KIAA0825: variants seen among roughly 807,000 people sequenced by gnomAD.
KIAA0825 encodes uncharacterized protein KIAA0825.
Under a neutral mutation model 147.6 loss-of-function variants are expected in KIAA0825, and 119 were observed. The observed-to-expected ratio is 0.81, with a 90% confidence interval of 0.69 to 0.94. The LOEUF is 0.94. Ranked by LOEUF, KIAA0825 falls within the 40% of genes least tolerant of loss-of-function variation. KIAA0825 has a pLI of 0.00. For missense variants in KIAA0825, 1,381 were observed against 1,472.7 expected (o/e 0.94, Z 1.02); for synonymous variants, 470 against 518.1 (o/e 0.91, Z 1.26).
At position 94,504,610 on chromosome 5, in the gene KIAA0825, GA is replaced by G. The variant is rs533138178; in HGVS notation, c.970+15637del. Among the ~76,000 whole-genome samples, 544 of 151,896 alleles carry G rather than the reference GA, an allele frequency of 3.6e-3. 3 individuals carry two copies. Among genetic ancestry groups the G allele is most frequent in the Non-Finnish European group, 5.3e-3 (363 of 67,908 alleles). The stretch of plus-strand genomic sequence containing the variant: ...TTAGTGTGTGTAAATTCTAGCTATT[GA>G]AAAAAAGTATATATATGTTCTTTCC... On this transcript the variant is annotated intron_variant, in intron 5 of 20. Transcript: ENST00000682413.
At chr5:94,449,394 T>C (rs908237406) in intron 13 of KIAA0825, among the ~76,000 whole-genome samples, 14 of 151,934 alleles carry the variant, frequency 9.2e-5, no homozygotes, top group Middle Eastern at 3.4e-3. Flanking sequence ...TATAATGGGG[T>C]GGAGAGAAAG....
intron 14 of KIAA0825, among the ~76,000 whole-genome samples, chr5:94,432,958 C>T (rs1755880282): frequency 6.6e-6 from 1 of 152,128 alleles, no homozygotes; most frequent in African/African-American, 2.4e-5. Context: ...CATAAAATGC[C>T]TTATATTACC....
At chr5:94,585,882 A>G (rs1196125424) in intron 1 of KIAA0825, among the ~76,000 whole-genome samples, 1 of 152,228 alleles carries the variant, frequency 6.6e-6, no homozygotes, top group East Asian at 1.9e-4. Context: ...CAGGATTAAG[A>G]AACTCACTCA....
In KIAA0825 at chr5:94,152,135, T is replaced by C. The variant is rs1271456045; in HGVS notation, c.*1872A>G. Among the ~76,000 whole-genome samples the C allele has an allele frequency of 6.6e-6, 1 of 152,234 alleles. No homozygotes were observed. The highest frequency in any genetic ancestry group is 2.4e-5 in the African/African-American group (1 of 41,460). ...CATTTTTTAAAAATAAAATGTGTTA[T>C]TTGGCAGGCAGCTGTCTACATGGCC... On this transcript the variant is annotated 3_prime_UTR_variant, in exon 21 of 21. Coordinates refer to ENST00000682413, the MANE Select transcript of KIAA0825 (RefSeq NM_001145678.3).
intron 14 of KIAA0825, among the ~76,000 whole-genome samples, chr5:94,431,735 G>A (rs1230040836): frequency 6.6e-6 from 1 of 152,192 alleles, no homozygotes; most frequent in African/African-American, 2.4e-5. Flanking sequence ...AATTGAAAAG[G>A]CACTGGTATT....
chr5:94,260,118 C>T (rs1441693966), intron 20 of KIAA0825, among the ~76,000 whole-genome samples: 2 of 151,922 alleles, frequency 1.3e-5, no homozygotes, highest in Non-Finnish European at 2.9e-5. Context: ...AGTAATATAT[C>T]CCACCAGGAC....
intron 5 of KIAA0825, among the ~76,000 whole-genome samples, chr5:94,517,141 T>G (rs916101879): frequency 1.7e-4 from 26 of 152,156 alleles, no homozygotes; most frequent in Non-Finnish European, 3.5e-4. Context: ...TTATTTTTAA[T>G]GCTAACTATC....
chr5:94,349,363 GCAC>G (rs1401845963), intron 20 of KIAA0825, among the ~76,000 whole-genome samples: 13 of 152,258 alleles, frequency 8.5e-5, no homozygotes, highest in Admixed American at 4.6e-4. Flanking sequence ...CTTCAGTACT[GCAC>G]TGACAGCACT....
At chr5:94,294,509 C>T (rs749488306) in intron 20 of KIAA0825, among the ~76,000 whole-genome samples, 26 of 152,140 alleles carry the variant, frequency 1.7e-4, no homozygotes, top group South Asian at 1.0e-3. Context: ...GGGTGGATCA[C>T]GAGGTCAGGA....
intron 3 of KIAA0825, among the ~76,000 whole-genome samples, chr5:94,529,564 T>C (rs1426925541): frequency 6.6e-6 from 1 of 151,710 alleles, no homozygotes; most frequent in Non-Finnish European, 1.5e-5. Context: ...CATACATACA[T>C]GTTTATGTAG....
intron 13 of KIAA0825, among the ~76,000 whole-genome samples, chr5:94,444,101 T>G (rs931481355): frequency 6.6e-6 from 1 of 152,088 alleles, no homozygotes; most frequent in Admixed American, 6.6e-5. Flanking sequence ...GGGGTGAAAG[T>G]AGGAGCAGCC....
chr5:94,409,535 G>A (rs1287515707), intron 15 of KIAA0825, among the ~76,000 whole-genome samples: 1 of 152,144 alleles, frequency 6.6e-6, no homozygotes, highest in Non-Finnish European at 1.5e-5. Flanking sequence ...TAGGGAAAGA[G>A]CTCCAGAAAT....
At chr5:94,242,465 A>G (rs562137464) in intron 20 of KIAA0825, among the ~76,000 whole-genome samples, 2 of 152,204 alleles carry the variant, frequency 1.3e-5, no homozygotes, top group Admixed American at 1.3e-4. Flanking sequence ...TTCCCACCCC[A>G]GACCTCAGCC....
intron 5 of KIAA0825, among the ~76,000 whole-genome samples, chr5:94,486,222 A>C (rs1049474510): frequency 1.3e-5 from 2 of 152,020 alleles, no homozygotes; most frequent in East Asian, 3.8e-4. Flanking sequence ...AAAATTTGTA[A>C]ACTCCTACAA....
chr5:94,403,850 T>G, intron 15 of KIAA0825, 57 bp from the exon 16 acceptor site: 3 of 1,380,474 alleles, frequency 2.2e-6, no homozygotes, highest in Non-Finnish European at 3.0e-6. Context: ...AGTTGTGCCT[T>G]GCTCAACTAG....
intron 20 of KIAA0825, among the ~76,000 whole-genome samples, chr5:94,376,382 A>G (rs1486594943): frequency 1.3e-5 from 2 of 152,132 alleles, no homozygotes; most frequent in Admixed American, 6.6e-5. Context: ...CTGCAACCTC[A>G]AGAGTACCTG....
chr5:94,360,385 T>A (rs967799562), intron 20 of KIAA0825, among the ~76,000 whole-genome samples: 1 of 152,200 alleles, frequency 6.6e-6, no homozygotes, highest in South Asian at 2.1e-4. Context: ...GCATCTTGAA[T>A]AGGGTCTGAG....
At chr5:94,447,484 T>C (rs1163985958) in intron 13 of KIAA0825, among the ~76,000 whole-genome samples, 1 of 152,096 alleles carries the variant, frequency 6.6e-6, no homozygotes, top group Non-Finnish European at 1.5e-5. Context: ...AATGGTATCA[T>C]ATACTGTGGT....
intron 15 of KIAA0825, among the ~76,000 whole-genome samples, chr5:94,410,365 T>C (rs1394822560): frequency 1.3e-5 from 2 of 151,866 alleles, no homozygotes; most frequent in Admixed American, 1.3e-4. Flanking sequence ...ATACACGAAA[T>C]TGAGTCCCAG....
Sources: gnomAD v4.1 joint callset for allele counts (sites outside exome capture counted in the v4.1 genomes callset) on GRCh38, gnomAD v4.1.1 for gene constraint, MANE v1.5 for transcripts, NCBI Gene and HGNC (gene_info 2026-07-23, HGNC 2026-07-21) for gene names.